Variants in RMND5B observed in about 807,000 individuals in gnomAD.
RMND5B encodes required for meiotic nuclear division 5 homolog B, also known as E3 ubiquitin-protein transferase RMND5B.
In RMND5B, 42 loss-of-function variants were observed where a neutral mutation model predicts 50.4. The observed-to-expected ratio is 0.83, with a 90% CI of 0.65 to 1.08. RMND5B has a LOEUF of 1.08. RMND5B is among the 50% of genes least tolerant of loss of function. The probability of loss-of-function intolerance (pLI) is 0.00; values close to 1 mark genes in which losing one functional copy is unlikely to be tolerated. For synonymous variants in RMND5B, 220 were observed against 210.0 expected, an observed-to-expected ratio of 1.05 and a Z score of -0.41; for missense variants, 463 against 508.5, an observed-to-expected ratio of 0.91 and a Z score of 0.86.
intron 8 of RMND5B, 122 bp downstream of exon 8, chr5:178,146,401 CT>C: frequency 1.2e-6 from 1 of 860,812 alleles, no homozygotes; most frequent in Non-Finnish European, 1.8e-6. Context: ...AACTGGCTTT[CT>C]TAGTCATTCT....
At position 178,146,076 on chromosome 5, in the gene RMND5B, C is replaced by T. The variant is rs773269264; in HGVS notation, c.695-38C>T. Reference sequence around the variant, plus strand: ...CCCGCTTGGGGGTGGACCCAGAGCCCTGCACCCCCTGAGCTGCCCCCTCTG... The same window carrying T: ...CCCGCTTGGGGGTGGACCCAGAGCCTTGCACCCCCTGAGCTGCCCCCTCTG... On this transcript the variant is annotated intron_variant, in intron 7 of 10. Transcript: ENST00000313386. The T allele has an allele frequency of 1.6e-5, 26 of 1,607,670 alleles. No individual in the cohort carries two copies. The Middle Eastern group carries it at 6.7e-4, about 42-fold the overall frequency.
intron 3 of RMND5B, chr5:178,141,289 AG>A (rs1378721471): frequency 2.1e-4 from 32 of 152,340 alleles, no homozygotes; most frequent in African/African-American, 7.7e-4. Flanking sequence ...GGATCACCTA[AG>A]GTCAGGAGTT....
chr5:178,133,930 G>A (rs1249912862), intron 2 of RMND5B, among the ~76,000 whole-genome samples: 1 of 150,690 alleles, frequency 6.6e-6, no homozygotes, highest in Non-Finnish European at 1.5e-5. Flanking sequence ...AGCCAGGATG[G>A]TCTTGATCTC....
At chr5:178,143,552 T>C (rs539127988) in intron 5 of RMND5B, 75 bp from the exon 6 acceptor site, 102 of 1,194,544 alleles carry the variant, frequency 8.5e-5, no homozygotes, top group Non-Finnish European at 1.2e-4. Context: ...CGGGTGAGCT[T>C]TTATTATGTG....
Position 178,143,083 on chromosome 5 carries a change from C to G in RMND5B, c.426+91C>G, listed in dbSNP as rs1755776150. The G allele has an allele frequency of 3.5e-6, 5 of 1,412,920 alleles. No individual in the cohort carries two copies. In the Admixed American group the frequency reaches 1.1e-4, roughly 32 times the overall value. The allele number at this position is 1,412,920 out of a possible 1,614,324, so 87.5% of individuals were successfully genotyped here. ...TATGAAGTCCCTACCATTCTCAAATCCATTTATTTCCTAAAGGAAATCAGC... is the reference window on the plus strand; with the variant it reads ...TATGAAGTCCCTACCATTCTCAAATGCATTTATTTCCTAAAGGAAATCAGC... On this transcript the variant is annotated intron_variant, in intron 5 of 10. Coordinates refer to ENST00000313386, the MANE Select transcript of RMND5B (RefSeq NM_022762.5).
rs754692909 is a variant in RMND5B, at chr5:178,142,846, C to T, written c.286-6C>T. On this transcript the variant is annotated splice_region_variant and splice_polypyrimidine_tract_variant and intron_variant, in intron 4 of 10. Coordinates refer to ENST00000313386, the MANE Select transcript of RMND5B (RefSeq NM_022762.5). ...TCACCAGGCCCTGTCTCTCCTCCTT[C>T]GTCAGAACTTCGACTCTGAGATCTG... The T allele has an allele frequency of 5.0e-5, 81 of 1,613,974 alleles. No homozygotes were observed. The African/African-American group carries it at 5.6e-4, about 11-fold the overall frequency.
At chr5:178,136,844 G>A (rs1758645794) in intron 2 of RMND5B, among the ~76,000 whole-genome samples, 1 of 152,164 alleles carries the variant, frequency 6.6e-6, no homozygotes, top group Admixed American at 6.5e-5. Flanking sequence ...AGGGTAGAAA[G>A]GACACAGAAG....
At position 178,150,410 on chromosome 5, in the gene RMND5B, ACT is replaced by A. The variant is rs1389958288; in HGVS notation, c.*2381_*2382del. On this transcript the variant is annotated 3_prime_UTR_variant, in exon 11 of 11. Transcript: ENST00000313386. Reference sequence around the variant, plus strand: ...TTTTTTTTTTTTGAGACAGGGCCTCACTCTGTCATGCAGTCTGGAGTGTGGTG... The same window carrying A: ...TTTTTTTTTTTTGAGACAGGGCCTCACTGTCATGCAGTCTGGAGTGTGGTG... 2.6e-5 allele frequency: 7 copies of A among 266,706 alleles called. No individual in the cohort carries two copies. The highest frequency in any genetic ancestry group is 9.0e-5 in the African/African-American group (4 of 44,470). 16.5% of individuals were successfully genotyped at this position (266,706 alleles called of 1,614,324 possible). A position where few individuals can be genotyped will look rare whatever the true frequency, so the allele number is the denominator to read the frequency against.
rs773517242 is a variant in RMND5B, at chr5:178,138,255, G to A, written c.136G>A (p.Ala46Thr). ...VGQLRAELAS[A>T]ALQGTPLSAT... ...CCAGCTGCGGGCTGAGCTGGCCAGC[G>A]CAGGTGGGTGGCCACCCTTGCAAGT... The change falls in exon 3 of 11, where the codon GCA becomes ACA. Residue 46 changes from alanine (A) to threonine (T), a missense_variant. Physicochemically the swap from Ala to Thr is moderately conservative, Grantham distance 58. Coordinates refer to ENST00000313386, the MANE Select transcript of RMND5B (RefSeq NM_022762.5). The surrounding 1 kb of genome is among the most constrained non-coding windows in gnomAD (Gnocchi z 5.1). 3.7e-6 allele frequency: 6 copies of A among 1,612,744 alleles called. No homozygotes were observed. The highest frequency in any genetic ancestry group is 2.2e-5 in the South Asian group (2 of 90,878).
At position 178,147,233 on chromosome 5, in the gene RMND5B, C is replaced by G. The variant is rs1756060642; in HGVS notation, c.861-300C>G. 3 of 425,150 alleles carry G rather than the reference C, an allele frequency of 7.1e-6. No homozygotes were observed. The Admixed American group carries it at 1.2e-4, about 17-fold the overall frequency. The allele number at this position is 425,150 out of a possible 1,614,324, so 26.3% of individuals were successfully genotyped here. ...GCCCTTTGGAACTGCTCACTGTTCCCTAGTCACACCAAGGACTTTTCAGTC... is the reference window on the plus strand; with the variant it reads ...GCCCTTTGGAACTGCTCACTGTTCCGTAGTCACACCAAGGACTTTTCAGTC... On this transcript the variant is annotated intron_variant, in intron 8 of 10. Coordinates refer to ENST00000313386, the MANE Select transcript of RMND5B (RefSeq NM_022762.5).
Position 178,138,202 on chromosome 5 carries a change from G to T in RMND5B, c.83G>T (p.Ser28Ile). 1.2e-6 allele frequency: 2 copies of T among 1,614,062 alleles called. No homozygotes were observed. Among genetic ancestry groups the T allele is most frequent in the Non-Finnish European group, 1.7e-6 (2 of 1,179,990 alleles). Reference protein sequence around the residue: ...FLTYGQHCERSLEELLHYVGQ... With the variant: ...FLTYGQHCERILEELLHYVGQ... ...ACCTACGGGCAGCACTGTGAGCGGA[G>T]CCTGGAGGAGCTGCTGCACTACGTG... The change falls in exon 3 of 11, where the codon AGC becomes ATC. Residue 28 changes from serine to isoleucine, a missense_variant. Ser to Ile is a moderately radical substitution (Grantham distance 142). Coordinates refer to ENST00000313386, the MANE Select transcript of RMND5B (RefSeq NM_022762.5). This position sits in a 1 kb window ranked among gnomAD's most constrained non-coding sequence, Gnocchi z 5.1.
Position 178,147,603 on chromosome 5 carries a change from A to G in RMND5B, c.931A>G (p.Thr311Ala), listed in dbSNP as rs764332011. 3 of 1,614,188 alleles carry G rather than the reference A, an allele frequency of 1.9e-6. No individual in the cohort carries two copies. The highest frequency in any genetic ancestry group is 1.1e-5 in the South Asian group (1 of 91,072). ...IKAVIEQRQC[T>A]GVWNHKDELP... ...GGCTGTGATTGAGCAGCGGCAGTGC[A>G]CTGGGGTCTGGAATCACAAGGACGA... Residue 311 changes from threonine (T) to alanine (A), a missense_variant, in exon 9 of 11, where the codon ACT becomes GCT. By Grantham distance (58) the Thr-to-Ala change is moderately conservative (BLOSUM62 0). Coordinates refer to ENST00000313386, the MANE Select transcript of RMND5B (RefSeq NM_022762.5).
At chr5:178,147,926 AC>A in intron 10 of RMND5B, 42 bp from the exon 11 acceptor site, 1 of 1,613,776 alleles carries the variant, frequency 6.2e-7, no homozygotes, top group Non-Finnish European at 8.5e-7. Context: ...TGGCTCTCCT[AC>A]TGGCCACCCC....
chr5:178,147,738 G>A lies in RMND5B; in HGVS notation c.973G>A (p.Glu325Lys), dbSNP rs1463849823. The change falls in exon 10 of 11, where the codon GAA becomes AAA. Residue 325 changes from glutamate (E) to lysine (K), a missense_variant. Physicochemically the swap from Glu to Lys is moderately conservative, Grantham distance 56 (BLOSUM62 1). Coordinates refer to ENST00000313386, the MANE Select transcript of RMND5B (RefSeq NM_022762.5). Reference protein sequence around the residue: ...NHKDELPIEIELGMKCWYHSV... With the variant: ...NHKDELPIEIKLGMKCWYHSV... ...TCGCTGCCCTTCCCAGATTGAGATT[G>A]AACTAGGCATGAAGTGCTGGTACCA... 4 of 1,614,178 alleles carry A rather than the reference G, an allele frequency of 2.5e-6. No homozygotes were observed. Among genetic ancestry groups the A allele is most frequent in the African/African-American group, 1.3e-5 (1 of 75,046 alleles).
chr5:178,142,324 T>C, intron 3 of RMND5B: 1 of 470,154 alleles, frequency 2.1e-6, no homozygotes, highest in Non-Finnish European at 3.8e-6. Flanking sequence ...CCAGATCATC[T>C]TCATTTCACA....
rs1250859055 is a variant in RMND5B at position 178,143,976 on chromosome 5, C to CTCAACAGCTCCCTGGAGT, written c.567_584dup (p.Asn189_Phe194dup). 1 of 1,614,278 alleles carries CTCAACAGCTCCCTGGAGT rather than the reference C, an allele frequency of 6.2e-7. No homozygotes were observed. Among genetic ancestry groups the CTCAACAGCTCCCTGGAGT allele is most frequent in the Non-Finnish European group, 8.5e-7 (1 of 1,180,054 alleles). On this transcript the variant is annotated inframe_insertion, in exon 7 of 11. Transcript: ENST00000313386. ...CTCCCACAGGCAGCGCCTGCTGGAA[C>CTCAACAGCTCCCTGGAGT]TCAACAGCTCCCTGGAGTTCAAGCT...
intron 2 of RMND5B, among the ~76,000 whole-genome samples, chr5:178,133,872 C>T (rs1444663033): frequency 3.9e-5 from 6 of 152,086 alleles, no homozygotes; most frequent in East Asian, 1.9e-4. Context: ...CCACCACACC[C>T]GGCTAATTTT....
intron 7 of RMND5B, among the ~76,000 whole-genome samples, chr5:178,144,545 A>G (rs35618073): frequency 4.3e-4 from 65 of 152,022 alleles, no homozygotes; most frequent in South Asian, 1.9e-3. Flanking sequence ...CATCTTGGCT[A>G]ACATGGTAAA....
Position 178,150,111 on chromosome 5 carries a change from T to G in RMND5B, c.*2079T>G. 2 of 351,764 alleles carry G rather than the reference T, an allele frequency of 5.7e-6. No individual in the cohort carries two copies. The highest frequency in any genetic ancestry group is 1.1e-5 in the Non-Finnish European group (2 of 188,394). The allele number at this position is 351,764 out of a possible 1,614,324, so 21.8% of individuals were successfully genotyped here. On this transcript the variant is annotated 3_prime_UTR_variant, in exon 11 of 11. Coordinates refer to ENST00000313386, the MANE Select transcript of RMND5B (RefSeq NM_022762.5). ...CTGTCCCGGTCCCTGCCACCCCCAC[T>G]TCCTGTGCCTCAGATCTGGCCCCTG...
Sources: gnomAD v4.1 joint callset for allele counts (sites outside exome capture counted in the v4.1 genomes callset) on GRCh38, gnomAD v4.1.1 for gene constraint, Gnocchi (gnomAD v3.1) non-coding constraint, MANE v1.5 for transcripts, NCBI Gene and HGNC (gene_info 2026-07-23, HGNC 2026-07-21) for gene names.